Variants in CNDP1 observed in about 807,000 individuals in gnomAD.
CNDP1 encodes the protein carnosine dipeptidase 1, also known as beta-Ala-His dipeptidase.
CNDP1 carries 44 observed loss-of-function variants against 58.1 expected under a neutral mutation model. The ratio of observed to expected loss-of-function variants is 0.76; its 90% CI spans 0.60 to 0.97. CNDP1 has a LOEUF of 0.97. Ranked by LOEUF, CNDP1 falls within the 50% of genes least tolerant of loss-of-function variation. The pLI, the probability that CNDP1 is intolerant of heterozygous loss-of-function variation, is 0.00. For missense variants in CNDP1, 616 were observed against 655.1 expected (o/e 0.94, Z 0.65); for synonymous variants, 254 against 252.6 (o/e 1.01, Z -0.05).
chr18:74,567,020 AC>A, intron 5 of CNDP1: 1 of 562,470 alleles, frequency 1.8e-6, no homozygotes, highest in East Asian at 3.2e-5. Flanking sequence ...GAAGAAGCAA[AC>A]CCCTGATAAA....
intron 4 of CNDP1, 70 bp downstream of exon 4, chr18:74,561,088 T>A: frequency 6.5e-6 from 10 of 1,532,484 alleles, no homozygotes; most frequent in Non-Finnish European, 7.1e-6. Context: ...AAGATGAGGC[T>A]CTGTCCCTGG....
intron 1 of CNDP1, among the ~76,000 whole-genome samples, chr18:74,553,488 T>C (rs536487251): frequency 3.1e-4 from 47 of 152,288 alleles, no homozygotes; most frequent in Middle Eastern, 6.8e-3. Flanking sequence ...GGATATCCTA[T>C]TCTGCCAGCA....
At position 74,558,392 on chromosome 18, in the gene CNDP1, C is replaced by CTTTTTTTTTTT. The variant is rs71168498; in HGVS notation, c.154-921_154-911dup. On this transcript the variant is annotated intron_variant, in intron 2 of 11. Coordinates refer to ENST00000358821, the MANE Select transcript of CNDP1 (RefSeq NM_032649.6). ...AGTTAGGGAGCATTACTTTCTTTTT[C>CTTTTTTTTTTT]TTTTTTTTTTTTTTTTTTTTGAGAT... Among the ~76,000 whole-genome samples, 201 of 114,266 alleles carry CTTTTTTTTTTT rather than the reference C, an allele frequency of 1.8e-3. 3 individuals are homozygous for CTTTTTTTTTTT. Among genetic ancestry groups the CTTTTTTTTTTT allele is most frequent in the African/African-American group, 3.7e-3 (103 of 27,786 alleles). 75.0% of individuals were successfully genotyped at this position (114,266 alleles called of 152,430 possible).
intron 6 of CNDP1, among the ~76,000 whole-genome samples, chr18:74,567,647 T>G (rs1981365607): frequency 6.6e-6 from 1 of 152,194 alleles, no homozygotes; most frequent in Non-Finnish European, 1.5e-5. Flanking sequence ...GATGTGGCTA[T>G]GTACCTTGTT....
intron 9 of CNDP1, among the ~76,000 whole-genome samples, chr18:74,579,225 C>G (rs1981723121): frequency 7.0e-6 from 1 of 143,588 alleles, no homozygotes; most frequent in Non-Finnish European, 1.5e-5. Context: ...CTTCCCTTCC[C>G]TTCCCTCACC....
chr18:74,564,392 G>A (rs1981276690), intron 5 of CNDP1, among the ~76,000 whole-genome samples: 1 of 152,166 alleles, frequency 6.6e-6, no homozygotes, highest in African/African-American at 2.4e-5. Context: ...GCTAGTCCAT[G>A]CCCTAATATT....
intron 1 of CNDP1, among the ~76,000 whole-genome samples, chr18:74,555,102 G>A (rs1471872263): frequency 6.6e-6 from 1 of 151,884 alleles, no homozygotes; most frequent in Non-Finnish European, 1.5e-5. Context: ...CGGAAAGGTG[G>A]GCATTTGAAG....
chr18:74,551,121 C>T (rs138992927), intron 1 of CNDP1, among the ~76,000 whole-genome samples: 88 of 152,188 alleles, frequency 5.8e-4, no homozygotes, highest in African/African-American at 1.7e-3. Context: ...ATCCCTCTTG[C>T]GCCTGCTCTG....
In CNDP1 at chr18:74,545,072, C is replaced by G. The variant is rs1056243693; in HGVS notation, c.24+10381C>G. Among the ~76,000 whole-genome samples, 9 of 152,326 alleles carry G rather than the reference C, an allele frequency of 5.9e-5. No homozygotes were observed. The highest frequency in any genetic ancestry group is 3.3e-4 in the Admixed American group (5 of 15,306). On this transcript the variant is annotated intron_variant, in intron 1 of 11. Transcript: ENST00000358821. The surrounding 1 kb of genome is among the most constrained non-coding windows in gnomAD (Gnocchi z 4.1). ...GGCAGGAAGGACCCTCCCCTAGAGC[C>G]TGCAGACGGAGCCCAGCCCTGCCAA...
intron 1 of CNDP1, among the ~76,000 whole-genome samples, chr18:74,553,952 A>G (rs1369479767): frequency 3.3e-5 from 5 of 152,184 alleles, no homozygotes; most frequent in African/African-American, 4.8e-5. Flanking sequence ...CTGTCCTCTC[A>G]GAGCCACACA....
At chr18:74,556,014 T>G (rs1981028341) in intron 1 of CNDP1, among the ~76,000 whole-genome samples, 1 of 152,162 alleles carries the variant, frequency 6.6e-6, no homozygotes. Flanking sequence ...AGATCACCCT[T>G]CACTCCTGGG....
chr18:74,556,222 CGACT>C (rs1981032943), intron 1 of CNDP1, 112 bp from the exon 2 acceptor site: 3 of 1,145,284 alleles, frequency 2.6e-6, no homozygotes, highest in Non-Finnish European at 3.7e-6. Context: ...TATTTTATTC[CGACT>C]GACTGGAGGC....
chr18:74,573,409 T>TCCATCCA (rs1981541114), intron 7 of CNDP1, among the ~76,000 whole-genome samples: 2 of 32,970 alleles, frequency 6.1e-5, no homozygotes, highest in Non-Finnish European at 1.1e-4. Flanking sequence ...TATCCACCCA[T>TCCATCCA]TATCATCTAT....
At chr18:74,550,766 T>C (rs1980884647) in intron 1 of CNDP1, among the ~76,000 whole-genome samples, 2 of 151,492 alleles carry the variant, frequency 1.3e-5, no homozygotes, top group African/African-American at 4.9e-5. Context: ...TTTTTTGTTT[T>C]TTGTTTTGTA....
At chr18:74,551,395 A>ACAC (rs1568293393) in intron 1 of CNDP1, among the ~76,000 whole-genome samples, 1,955 of 109,480 alleles carry the variant, frequency 0.018, 41 homozygotes, top group African/African-American at 0.064. Flanking sequence ...CACACACACA[A>ACAC]ACAAAAACAG....
chr18:74,549,657 C>G (rs1162754369), intron 1 of CNDP1, among the ~76,000 whole-genome samples: 4 of 152,196 alleles, frequency 2.6e-5, no homozygotes, highest in African/African-American at 7.2e-5. Flanking sequence ...GCTAGAGAGA[C>G]TTGCGTGACT....
At chr18:74,576,790 C>T in intron 7 of CNDP1, 79 bp from the exon 8 acceptor site, 1 of 1,373,666 alleles carries the variant, frequency 7.3e-7, no homozygotes, top group Non-Finnish European at 1.0e-6. Context: ...CTGAAGAGTC[C>T]TCCCACAGTC....
At chr18:74,567,500 C>A in intron 6 of CNDP1, 67 bp downstream of exon 6, 1 of 1,353,574 alleles carries the variant, frequency 7.4e-7, no homozygotes, top group Non-Finnish European at 1.1e-6. Flanking sequence ...CCAATCCATT[C>A]TGGGATCTTG....
In CNDP1 at chr18:74,577,086, T is replaced by C. The variant is rs1440171072; in HGVS notation, c.1002+57T>C. The C allele has an allele frequency of 1.0e-5, 15 of 1,471,284 alleles. No individual in the cohort carries two copies. In the African/African-American group the frequency reaches 1.3e-4, roughly 12 times the overall value. 91.1% of individuals were successfully genotyped at this position (1,471,284 alleles called of 1,614,324 possible). A position where few individuals can be genotyped will look rare whatever the true frequency, so the allele number is the denominator to read the frequency against. ...GAGGCATGAGGCTAGTATATCATAT[T>C]TGCCCTCTGTCTAAGTCATTGTCTG... is the stretch of plus-strand genomic sequence containing the variant. On this transcript the variant is annotated intron_variant, in intron 8 of 11. Coordinates refer to ENST00000358821, the MANE Select transcript of CNDP1 (RefSeq NM_032649.6).
Sources: allele counts gnomAD v4.1 joint callset (sites outside exome capture counted in the v4.1 genomes callset), GRCh38; gene constraint gnomAD v4.1.1; non-coding constraint Gnocchi (gnomAD v3.1); transcripts MANE v1.5; gene names NCBI Gene and HGNC (gene_info 2026-07-23, HGNC 2026-07-21).